DGKB: variants seen among roughly 807,000 people sequenced by gnomAD.
DGKB encodes 90 kDa diacylglycerol kinase.
A neutral mutation model predicts 114.3 loss-of-function variants in DGKB; 67 were observed. The ratio of observed to expected loss-of-function variants is 0.59; its 90% CI spans 0.48 to 0.72. DGKB has a LOEUF of 0.72. DGKB is among the 30% of genes least tolerant of loss of function. The pLI is 0.00. For missense variants in DGKB, 907 were observed against 975.2 expected, an observed-to-expected ratio of 0.93 and a Z score of 0.93; for synonymous variants, 398 against 323.1, an observed-to-expected ratio of 1.23 and a Z score of -2.49.
At chr7:14,192,657 C>T (rs1784472150) in intron 23 of DGKB, among the ~76,000 whole-genome samples, 1 of 152,056 alleles carries the variant, frequency 6.6e-6, no homozygotes, top group Non-Finnish European at 1.5e-5. Context: ...CACAGACCAG[C>T]CACAGGGTTG....
chr7:14,847,094 T>A (rs1349995097), intron 1 of DGKB, among the ~76,000 whole-genome samples: 1 of 151,854 alleles, frequency 6.6e-6, no homozygotes, highest in Non-Finnish European at 1.5e-5. Flanking sequence ...ATCGAGACCA[T>A]CCTGGCTAAC....
At chr7:14,601,245 A>C (rs1006243572) in intron 17 of DGKB, among the ~76,000 whole-genome samples, 9 of 152,132 alleles carry the variant, frequency 5.9e-5, no homozygotes, top group African/African-American at 2.2e-4. Context: ...TTGAGCAGAA[A>C]CTTGAGGCAG....
In DGKB at chr7:14,384,988, A is replaced by G. The variant is rs146872433; in HGVS notation, c.1836-39597T>C. ...TTGTCAATAACAAAAAGGAGGAATT[A>G]CTTTCCTTAAAGGTAAAAATAATTG... On this transcript the variant is annotated intron_variant, in intron 21 of 25. Coordinates refer to ENST00000402815, the MANE Select transcript of DGKB (RefSeq NM_001350709.2). Among the ~76,000 whole-genome samples, 1,193 of 152,298 alleles carry G rather than the reference A, an allele frequency of 7.8e-3. 18 individuals carry two copies. The highest frequency in any genetic ancestry group is 0.025 in the African/African-American group (1,042 of 41,554).
intron 21 of DGKB, among the ~76,000 whole-genome samples, chr7:14,457,424 T>C (rs1466826763): frequency 1.3e-5 from 2 of 152,166 alleles, no homozygotes; most frequent in Non-Finnish European, 1.5e-5. Flanking sequence ...AAAGTAAATA[T>C]AGTATTGCTT....
chr7:14,219,793 T>C (rs1404962298), intron 23 of DGKB, among the ~76,000 whole-genome samples: 1 of 151,784 alleles, frequency 6.6e-6, no homozygotes. Context: ...CCAATTTACA[T>C]ATTTTTTCTT....
intron 22 of DGKB, among the ~76,000 whole-genome samples, chr7:14,344,070 ATATG>A (rs891357909): frequency 1.3e-5 from 2 of 149,568 alleles, no homozygotes; most frequent in African/African-American, 4.9e-5. Context: ...ATATAGTTAT[ATATG>A]TGTTATATAT....
At chr7:14,697,076 C>T (rs1824069586) in intron 8 of DGKB, among the ~76,000 whole-genome samples, 1 of 152,160 alleles carries the variant, frequency 6.6e-6, no homozygotes, top group African/African-American at 2.4e-5. Flanking sequence ...CTCTTATCAA[C>T]TTTCCCCAAA....
At chr7:14,736,784 C>G (rs914999566) in intron 4 of DGKB, among the ~76,000 whole-genome samples, 10 of 152,200 alleles carry the variant, frequency 6.6e-5, no homozygotes, top group African/African-American at 2.4e-4. Context: ...CTCTCTGATA[C>G]TCATTGCAGA....
rs561394105 is a variant in DGKB at position 14,574,816 on chromosome 7, T to C, written c.1610-444A>G. On this transcript the variant is annotated intron_variant, in intron 19 of 25. Transcript: ENST00000402815. ...TTTCCATCACTCTCTTACCCTCACC[T>C]TTTCCCGTCTAGTGATATAAAACTT... 1.3e-3 allele frequency among the ~76,000 whole-genome samples: 192 copies of C among 152,250 alleles called. 2 individuals are homozygous for C. Among genetic ancestry groups the C allele is most frequent in the African/African-American group, 4.5e-3 (187 of 41,560 alleles).
At chr7:14,910,318 C>G (rs1434840118) in intron 1 of DGKB, among the ~76,000 whole-genome samples, 2 of 144,428 alleles carry the variant, frequency 1.4e-5, no homozygotes, top group Admixed American at 6.8e-5. Flanking sequence ...AAGAAAGAAC[C>G]TTATATATTA....
chr7:14,917,938 G>A (rs1324061118), intron 1 of DGKB, among the ~76,000 whole-genome samples: 1 of 152,022 alleles, frequency 6.6e-6, no homozygotes, highest in African/African-American at 2.4e-5. Flanking sequence ...AGGAATGCAA[G>A]GCTAGTTGAA....
chr7:14,335,249 A>G (rs1274600562), intron 23 of DGKB, among the ~76,000 whole-genome samples: 2 of 152,194 alleles, frequency 1.3e-5, no homozygotes, highest in Non-Finnish European at 2.9e-5. Context: ...ATACCTTTGG[A>G]CTATGATATT....
chr7:14,855,535 A>G (rs1586938750), intron 1 of DGKB, among the ~76,000 whole-genome samples: 1 of 152,152 alleles, frequency 6.6e-6, no homozygotes, highest in African/African-American at 2.4e-5. Context: ...ACACAAACAC[A>G]CACCCACACA....
At chr7:14,671,787 A>C (rs1442191088) in intron 13 of DGKB, among the ~76,000 whole-genome samples, 1 of 152,178 alleles carries the variant, frequency 6.6e-6, no homozygotes, top group Admixed American at 6.6e-5. Flanking sequence ...ATAAGAATAT[A>C]AATAATACAA....
chr7:14,895,475 T>C (rs1490770347), intron 1 of DGKB, among the ~76,000 whole-genome samples: 3 of 151,612 alleles, frequency 2.0e-5, no homozygotes, highest in East Asian at 1.9e-4. Flanking sequence ...ATTCCTATTA[T>C]GCAAATAGGA....
chr7:14,972,420 G>A (rs1265190748), intron 1 of DGKB, among the ~76,000 whole-genome samples: 1 of 151,922 alleles, frequency 6.6e-6, no homozygotes, highest in Non-Finnish European at 1.5e-5. Flanking sequence ...TTCCAGATCA[G>A]TTAACTAAAA....
intron 1 of DGKB, among the ~76,000 whole-genome samples, chr7:14,962,726 T>C (rs1181083765): frequency 3.3e-5 from 5 of 151,572 alleles, no homozygotes; most frequent in Middle Eastern, 3.4e-3. Context: ...GCAAGGCTAA[T>C]AAAGTTTCTT....
At chr7:14,927,457 G>C (rs1267850564) in intron 1 of DGKB, among the ~76,000 whole-genome samples, 1 of 151,826 alleles carries the variant, frequency 6.6e-6, no homozygotes, top group East Asian at 1.9e-4. Flanking sequence ...CCTGATCTAT[G>C]AGGATGCTAG....
intron 17 of DGKB, among the ~76,000 whole-genome samples, chr7:14,594,802 A>G (rs1439427020): frequency 6.6e-6 from 1 of 152,118 alleles, no homozygotes; most frequent in East Asian, 1.9e-4. Flanking sequence ...CTAGACTTCT[A>G]TAGGGAAAAA....
Sources: gnomAD v4.1 joint callset for allele counts (sites outside exome capture counted in the v4.1 genomes callset) on GRCh38, gnomAD v4.1.1 for gene constraint, MANE v1.5 for transcripts, NCBI Gene and HGNC (gene_info 2026-07-23, HGNC 2026-07-21) for gene names.